The following ROBO2 variants were observed in gnomAD, a reference collection of about 807,000 sequenced individuals.
ROBO2 encodes the protein roundabout homolog 2.
A neutral mutation model predicts 160.8 loss-of-function variants in ROBO2; 53 were observed. The observed-to-expected ratio is 0.33, with a 90% CI of 0.26 to 0.41. ROBO2 has a LOEUF of 0.41. Ranked by LOEUF, ROBO2 falls within the 10% of genes least tolerant of loss-of-function variation. The pLI, the probability that ROBO2 is intolerant of heterozygous loss-of-function variation, is 1.00. For synonymous variants in ROBO2, 664 were observed against 611.7 expected (o/e 1.09, Z -1.26); for missense variants, 1,577 against 1,722.4 (o/e 0.92, Z 1.49).
intron 2 of ROBO2, among the ~76,000 whole-genome samples, chr3:76,316,132 C>T (rs528128312): frequency 8.2e-4 from 124 of 152,134 alleles, no homozygotes; most frequent in African/African-American, 2.8e-3. Context: ...CAGCGGTGCA[C>T]GTATTGTCTT....
Position 76,021,565 on chromosome 3 carries a change from A to G in ROBO2, c.109+83963A>G, listed in dbSNP as rs374722202. ...TGCAGATTCAGTTCCAGACCACTGC[A>G]ATAAAGCAAACATTGCAATAAAGTG... is the stretch of plus-strand genomic sequence containing the variant. On this transcript the variant is annotated intron_variant, in intron 2 of 26. Transcript: ENST00000487694. 2.0e-4 allele frequency among the ~76,000 whole-genome samples: 31 copies of G among 151,978 alleles called. No homozygotes were observed. In the East Asian group the frequency reaches 2.7e-3, roughly 13 times the overall value.
At chr3:76,863,473 T>G (rs1559618992) in intron 2 of ROBO2, among the ~76,000 whole-genome samples, 1 of 148,646 alleles carries the variant, frequency 6.7e-6, no homozygotes, top group Admixed American at 6.7e-5. Context: ...AGAAAGAAAA[T>G]AAAGCAGAAA....
At chr3:76,513,942 C>A (rs1222876991) in intron 2 of ROBO2, among the ~76,000 whole-genome samples, 1 of 152,094 alleles carries the variant, frequency 6.6e-6, no homozygotes, top group Non-Finnish European at 1.5e-5. Context: ...AAAATGTTAA[C>A]AATCATTTTT....
chr3:76,757,048 T>C (rs2061015262), intron 2 of ROBO2, among the ~76,000 whole-genome samples: 1 of 151,880 alleles, frequency 6.6e-6, no homozygotes, highest in Admixed American at 6.6e-5. Context: ...CAATTCTTTA[T>C]ATTTTTATAG....
At chr3:76,944,812 A>G (rs1273288892) in intron 2 of ROBO2, among the ~76,000 whole-genome samples, 1 of 152,178 alleles carries the variant, frequency 6.6e-6, no homozygotes, top group African/African-American at 2.4e-5. Context: ...AGATGGACAG[A>G]TTAAAGATGG....
At chr3:76,613,569 A>G (rs1307408951) in intron 2 of ROBO2, among the ~76,000 whole-genome samples, 1 of 151,864 alleles carries the variant, frequency 6.6e-6, no homozygotes, top group Non-Finnish European at 1.5e-5. Context: ...GTAGCCAGAG[A>G]GCAATCTCCC....
At chr3:77,497,228 G>C (rs548809332) in intron 5 of ROBO2, among the ~76,000 whole-genome samples, 9 of 152,196 alleles carry the variant, frequency 5.9e-5, no homozygotes, top group African/African-American at 1.9e-4. Flanking sequence ...TCTGTGCCAA[G>C]TACCAATACT....
chr3:77,309,284 G>A (rs545326698), intron 2 of ROBO2, among the ~76,000 whole-genome samples: 1 of 152,050 alleles, frequency 6.6e-6, no homozygotes, highest in Admixed American at 6.6e-5. Flanking sequence ...ACAGAAATAA[G>A]TTTATGTGCT....
At chr3:77,122,940 G>A (rs1386160880) in intron 2 of ROBO2, among the ~76,000 whole-genome samples, 1 of 152,034 alleles carries the variant, frequency 6.6e-6, no homozygotes, top group African/African-American at 2.4e-5. Flanking sequence ...TAGTAAGTCT[G>A]GGAATAGCTT....
At chr3:76,097,934 T>C (rs1007314110) in intron 2 of ROBO2, among the ~76,000 whole-genome samples, 1 of 152,132 alleles carries the variant, frequency 6.6e-6, no homozygotes, top group African/African-American at 2.4e-5. Flanking sequence ...ATTAATAAAA[T>C]CAAAGTTTCA....
chr3:77,584,469 AT>A (rs1019463581), intron 16 of ROBO2, among the ~76,000 whole-genome samples: 2 of 152,030 alleles, frequency 1.3e-5, no homozygotes, highest in African/African-American at 4.8e-5. Flanking sequence ...AGCCGTTCTC[AT>A]TTTTTTCTAT....
chr3:77,453,715 T>C (rs1467686448), intron 2 of ROBO2, among the ~76,000 whole-genome samples: 1 of 152,166 alleles, frequency 6.6e-6, no homozygotes, highest in Non-Finnish European at 1.5e-5. Context: ...TAGTTTTTGT[T>C]AGATTCTTAG....
chr3:77,610,944 A>C (rs1420254832), intron 21 of ROBO2, among the ~76,000 whole-genome samples: 1 of 151,872 alleles, frequency 6.6e-6, no homozygotes, highest in Non-Finnish European at 1.5e-5. Context: ...ATTGCACTTA[A>C]CTGCTTGTCT....
intron 2 of ROBO2, among the ~76,000 whole-genome samples, chr3:76,984,498 C>A (rs2060266702): frequency 6.6e-6 from 1 of 152,142 alleles, no homozygotes; most frequent in Non-Finnish European, 1.5e-5. Context: ...ACTGGGGTAT[C>A]CACACTCTAC....
intron 2 of ROBO2, chr3:76,311,172 T>C (rs2107783090): frequency 6.6e-6 from 1 of 152,336 alleles, no homozygotes; most frequent in South Asian, 2.1e-4. Context: ...AAGCTGCTAC[T>C]TCAGCTGTTA....
At chr3:77,479,502 A>C (rs569791931) in intron 3 of ROBO2, among the ~76,000 whole-genome samples, 1 of 152,084 alleles carries the variant, frequency 6.6e-6, no homozygotes, top group Non-Finnish European at 1.5e-5. Flanking sequence ...GTTTCTAATG[A>C]CTTACAATTT....
chr3:76,418,480 C>A (rs2075849347), intron 2 of ROBO2, among the ~76,000 whole-genome samples: 1 of 152,094 alleles, frequency 6.6e-6, no homozygotes, highest in African/African-American at 2.4e-5. Flanking sequence ...ACCTCATGAT[C>A]CACCCGCCTC....
At chr3:76,543,012 C>T (rs1423532743) in intron 2 of ROBO2, among the ~76,000 whole-genome samples, 1 of 152,046 alleles carries the variant, frequency 6.6e-6, no homozygotes, top group Non-Finnish European at 1.5e-5. Flanking sequence ...TTTGTCTTTC[C>T]CTCTGAAACA....
chr3:77,435,672 A>G (rs2079203704), intron 2 of ROBO2, among the ~76,000 whole-genome samples: 1 of 151,846 alleles, frequency 6.6e-6, no homozygotes, highest in Non-Finnish European at 1.5e-5. Context: ...CTCAATACCA[A>G]AGGAATGATA....
Sources: gnomAD v4.1 joint callset for allele counts (sites outside exome capture counted in the v4.1 genomes callset) on GRCh38, gnomAD v4.1.1 for gene constraint, MANE v1.5 for transcripts, NCBI Gene and HGNC (gene_info 2026-07-23, HGNC 2026-07-21) for gene names.